The following DKK1 variants were observed in gnomAD, a reference collection of about 807,000 sequenced individuals.
DKK1 encodes the protein dickkopf Wnt signaling pathway inhibitor 1.
Under a neutral mutation model 26.0 loss-of-function variants are expected in DKK1, and 18 were observed. That is an observed-to-expected ratio of 0.69 (90% CI 0.48 to 1.03). The LOEUF (loss-of-function observed/expected upper bound fraction) is 1.03, where lower values mean the gene tolerates loss of function less well. DKK1 is among the 50% of genes least tolerant of loss of function. The pLI, the probability that DKK1 is intolerant of heterozygous loss-of-function variation, is 0.00. For missense variants in DKK1, 335 were observed against 348.5 expected (o/e 0.96, Z 0.31); for synonymous variants, 130 against 132.6 (o/e 0.98, Z 0.13).
intron 2 of DKK1, among the ~76,000 whole-genome samples, chr10:52,315,855 C>T (rs1220448368): frequency 6.6e-6 from 1 of 152,134 alleles, no homozygotes. Context: ...AGTAACTGGC[C>T]GGTGAGATTG....
intron 2 of DKK1, 177 bp downstream of exon 2, chr10:52,315,262 C>T: frequency 1.8e-6 from 1 of 541,384 alleles, no homozygotes; most frequent in Non-Finnish European, 2.9e-6. Flanking sequence ...ATCTTCATTG[C>T]AAGTGTTTAA....
chr10:52,314,373 G>T lies in DKK1; in HGVS notation c.-62G>T. The T allele has an allele frequency of 6.3e-7, 1 of 1,599,334 alleles. No individual in the cohort carries two copies. ...AGCCGAACCGGCACGGTTTCGTGGG[G>T]ACCCAGGCTTGCAAAGTGACGGTCA... On this transcript the variant is annotated 5_prime_UTR_variant, in exon 1 of 4. Coordinates refer to ENST00000373970, the MANE Select transcript of DKK1 (RefSeq NM_012242.4). The surrounding 1 kb of genome is among the most constrained non-coding windows in gnomAD (Gnocchi z 5.7).
chr10:52,314,375 C>A lies in DKK1; in HGVS notation c.-60C>A, dbSNP rs1842594057. On this transcript the variant is annotated 5_prime_UTR_variant, in exon 1 of 4. Transcript: ENST00000373970. This position sits in a 1 kb window ranked among gnomAD's most constrained non-coding sequence, Gnocchi z 5.7. ...CCGAACCGGCACGGTTTCGTGGGGA[C>A]CCAGGCTTGCAAAGTGACGGTCATT... is the stretch of plus-strand genomic sequence containing the variant. The A allele has an allele frequency of 6.2e-7, 1 of 1,600,430 alleles. No homozygotes were observed. Among genetic ancestry groups the A allele is most frequent in the South Asian group, 1.1e-5 (1 of 89,188 alleles).
rs1415670976 is a variant in DKK1, at chr10:52,314,547, A to C, written c.113A>C (p.Asn38Thr). 9.3e-6 allele frequency: 15 copies of C among 1,613,580 alleles called. No homozygotes were observed. The highest frequency in any genetic ancestry group is 1.3e-5 in the African/African-American group (1 of 74,882). The change falls in exon 1 of 4, where the codon AAT (asparagine) becomes ACT (threonine). Residue 38 changes from asparagine (N) to threonine (T), a missense_variant. Asn to Thr is a moderately conservative substitution (Grantham distance 65). Coordinates refer to ENST00000373970, the MANE Select transcript of DKK1 (RefSeq NM_012242.4). The surrounding 1 kb of genome is among the most constrained non-coding windows in gnomAD (Gnocchi z 5.7). ...AGCGCCACCTTGAACTCGGTTCTCAATTCCAACGCTATCAAGAACCTGCCC... is the reference window on the plus strand; with the variant it reads ...AGCGCCACCTTGAACTCGGTTCTCACTTCCAACGCTATCAAGAACCTGCCC... ...GVSATLNSVL[N>T]SNAIKNLPPP...
intron 2 of DKK1, 61 bp from the exon 3 acceptor site, chr10:52,316,234 A>G (rs1022455209): frequency 4.2e-5 from 66 of 1,583,866 alleles, no homozygotes; most frequent in Non-Finnish European, 4.5e-5. Context: ...TGCCACTGTC[A>G]CAGCTGTTAG....
Position 52,314,838 on chromosome 10 carries a change from A to G in DKK1, c.244-85A>G, listed in dbSNP as rs1842599894. On this transcript the variant is annotated intron_variant, in intron 1 of 3. Transcript: ENST00000373970. The surrounding 1 kb of genome is among the most constrained non-coding windows in gnomAD (Gnocchi z 5.7). Reference sequence around the variant, plus strand: ...ACAGGTTTTGGAGAGGTGGACAGATAAGGACTGTGATCAGCGCCCGGGTCC... The same window carrying G: ...ACAGGTTTTGGAGAGGTGGACAGATGAGGACTGTGATCAGCGCCCGGGTCC... 3.4e-6 allele frequency: 5 copies of G among 1,463,914 alleles called. No homozygotes were observed. The highest frequency in any genetic ancestry group is 1.9e-4 in the Middle Eastern group (1 of 5,366). The allele number at this position is 1,463,914 out of a possible 1,614,324, so 90.7% of individuals were successfully genotyped here.
chr10:52,314,707 T>G lies in DKK1; in HGVS notation c.243+30T>G, dbSNP rs369860068. The G allele has an allele frequency of 1.2e-6, 2 of 1,607,598 alleles. No individual in the cohort carries two copies. The highest frequency in any genetic ancestry group is 2.7e-5 in the African/African-American group (2 of 74,762). ...GAGGGGTCGGGCACTCAGAGGATGC[T>G]CTGACCTTGAAAGGGTCCTATCTGG... On this transcript the variant is annotated intron_variant, in intron 1 of 3. Transcript: ENST00000373970. This position sits in a 1 kb window ranked among gnomAD's most constrained non-coding sequence, Gnocchi z 5.7.
Position 52,314,892 on chromosome 10 carries a change from G to C in DKK1, c.244-31G>C. ...AGGGCGGGTACCTGGACGTCTGGGT[G>C]CCTCACCCTCTCCCCGAACCCTTCC... is the stretch of plus-strand genomic sequence containing the variant. On this transcript the variant is annotated intron_variant, in intron 1 of 3. Transcript: ENST00000373970. This position sits in a 1 kb window ranked among gnomAD's most constrained non-coding sequence, Gnocchi z 5.7. 1 of 1,474,276 alleles carries C rather than the reference G, an allele frequency of 6.8e-7. No homozygotes were observed. The highest frequency in any genetic ancestry group is 9.0e-7 in the Non-Finnish European group (1 of 1,108,490). The allele number at this position is 1,474,276 out of a possible 1,614,324, so 91.3% of individuals were successfully genotyped here.
rs1381150018 is a variant in DKK1 at position 52,316,772 on chromosome 10, A to G, written c.766A>G (p.Asn256Asp). 1 of 1,614,058 alleles carries G rather than the reference A, an allele frequency of 6.2e-7. No homozygotes were observed. Among genetic ancestry groups the G allele is most frequent in the Non-Finnish European group, 8.5e-7 (1 of 1,180,006 alleles). ...RIQKDHHQASNSSRLHTCQRH is the reference protein window; with the variant it reads ...RIQKDHHQASDSSRLHTCQRH ...ACAGAAAGATCACCATCAAGCCAGT[A>G]ATTCTTCTAGGCTTCACACTTGTCA... Residue 256 changes from asparagine to aspartate, a missense_variant, in exon 4 of 4, where the codon AAT becomes GAT. By Grantham distance (23) the Asn-to-Asp change is conservative. Transcript: ENST00000373970.
At position 52,314,794 on chromosome 10, in the gene DKK1, T is replaced by C; in HGVS notation, c.243+117T>C. 4.0e-6 allele frequency: 6 copies of C among 1,508,574 alleles called. No homozygotes were observed. Among genetic ancestry groups the C allele is most frequent in the Non-Finnish European group, 5.3e-6 (6 of 1,125,540 alleles). The allele number at this position is 1,508,574 out of a possible 1,614,324, so 93.4% of individuals were successfully genotyped here. A position where few individuals can be genotyped will look rare whatever the true frequency, so the allele number is the denominator to read the frequency against. The stretch of plus-strand genomic sequence containing the variant: ...CAGGGAGCATTTGGTAACCCTGCAT[T>C]TGGGAGCAGTGGGCAGTAACAGGTT... On this transcript the variant is annotated intron_variant, in intron 1 of 3. Coordinates refer to ENST00000373970, the MANE Select transcript of DKK1 (RefSeq NM_012242.4). This position sits in a 1 kb window ranked among gnomAD's most constrained non-coding sequence, Gnocchi z 5.7.
chr10:52,315,606 T>G (rs959020812), intron 2 of DKK1, among the ~76,000 whole-genome samples: 1 of 152,218 alleles, frequency 6.6e-6, no homozygotes, highest in African/African-American at 2.4e-5. Context: ...AAGAGAGATC[T>G]TGGTACCCTC....
Position 52,314,427 on chromosome 10 carries a change from C to T in DKK1, c.-8C>T, listed in dbSNP as rs1380602534. ...TCTCTTTCTTTCTCCCTCTTGAGTCCTTCTGAGATGATGGCTCTGGGCGCA... is the reference window on the plus strand; with the variant it reads ...TCTCTTTCTTTCTCCCTCTTGAGTCTTTCTGAGATGATGGCTCTGGGCGCA... On this transcript the variant is annotated 5_prime_UTR_variant, in exon 1 of 4. Coordinates refer to ENST00000373970, the MANE Select transcript of DKK1 (RefSeq NM_012242.4). This position sits in a 1 kb window ranked among gnomAD's most constrained non-coding sequence, Gnocchi z 5.7. The T allele has an allele frequency of 6.2e-7, 1 of 1,613,716 alleles. No individual in the cohort carries two copies. The highest frequency in any genetic ancestry group is 8.5e-7 in the Non-Finnish European group (1 of 1,179,912).
At position 52,314,686 on chromosome 10, in the gene DKK1, G is replaced by A. The variant is rs1173272726; in HGVS notation, c.243+9G>A. ...CCATTGACAACTACCAGGTGAGAGG[G>A]GTCGGGCACTCAGAGGATGCTCTGA... On this transcript the variant is annotated intron_variant, in intron 1 of 3. Transcript: ENST00000373970. The surrounding 1 kb of genome is among the most constrained non-coding windows in gnomAD (Gnocchi z 5.7). 6 of 1,611,126 alleles carry A rather than the reference G, an allele frequency of 3.7e-6. No homozygotes were observed. The highest frequency in any genetic ancestry group is 3.3e-5 in the Admixed American group (2 of 59,912).
chr10:52,314,340 GACTCT>G lies in DKK1; in HGVS notation c.-94_-90del. On this transcript the variant is annotated 5_prime_UTR_variant, in exon 1 of 4. Transcript: ENST00000373970. This position sits in a 1 kb window ranked among gnomAD's most constrained non-coding sequence, Gnocchi z 5.7. ...GGACCGCAGGGGGCTCCCGGACCCT[GACTCT>G]GCAGCCGAACCGGCACGGTTTCGTG... The G allele has an allele frequency of 6.4e-7, 1 of 1,560,482 alleles. No homozygotes were observed. The highest frequency in any genetic ancestry group is 8.7e-7 in the Non-Finnish European group (1 of 1,152,852).
rs1194439152 is a variant in DKK1, at chr10:52,316,922, A to G, written c.*115A>G. On this transcript the variant is annotated 3_prime_UTR_variant, in exon 4 of 4. Transcript: ENST00000373970. ...ACAAGTTCTGTGGTTTCAGTTAAGC[A>G]TTCCAATAACACCTTCCAAAAACCT... 7.9e-7 allele frequency: 1 copy of G among 1,260,000 alleles called. No individual in the cohort carries two copies. The highest frequency in any genetic ancestry group is 1.1e-6 in the Non-Finnish European group (1 of 914,948). The allele number at this position is 1,260,000 out of a possible 1,614,324, so 78.1% of individuals were successfully genotyped here. A position where few individuals can be genotyped will look rare whatever the true frequency, so the allele number is the denominator to read the frequency against.
In DKK1 at chr10:52,314,943, C is replaced by G. The variant is rs1457993160; in HGVS notation, c.264C>G (p.Asp88Glu). 80 of 1,557,162 alleles carry G rather than the reference C, an allele frequency of 5.1e-5. No homozygotes were observed. The highest frequency in any genetic ancestry group is 6.8e-5 in the Non-Finnish European group (78 of 1,144,722). ...DNYQPYPCAE[D>E]EECGTDEYCA... ...CACAGCCGTACCCGTGCGCAGAGGACGAGGAGTGCGGCACTGATGAGTACT... is the reference window on the plus strand; with the variant it reads ...CACAGCCGTACCCGTGCGCAGAGGAGGAGGAGTGCGGCACTGATGAGTACT... The change falls in exon 2 of 4, where the codon GAC becomes GAG. Residue 88 changes from aspartate to glutamate, a missense_variant. By Grantham distance (45) the Asp-to-Glu change is conservative. Coordinates refer to ENST00000373970, the MANE Select transcript of DKK1 (RefSeq NM_012242.4). This position sits in a 1 kb window ranked among gnomAD's most constrained non-coding sequence, Gnocchi z 5.7.
chr10:52,316,561 A>G lies in DKK1; in HGVS notation c.555A>G (p.Glu185=). The G allele has an allele frequency of 6.2e-7, 1 of 1,614,006 alleles. No individual in the cohort carries two copies. ...CTGTCTTCTCCTTCGTAGGACAAGA[A>G]GGTTCTGTTTGTCTCCGGTCATCAG... ...SSKMYHTKGQ[E]GSVCLRSSDC... is the part of the protein sequence containing the mutation. Residue 185 remains glutamate (E), a synonymous_variant, in exon 4 of 4, where the codon GAA becomes GAG. Coordinates refer to ENST00000373970, the MANE Select transcript of DKK1 (RefSeq NM_012242.4).
Position 52,314,405 on chromosome 10 carries a change from CT to C in DKK1, c.-27del. On this transcript the variant is annotated 5_prime_UTR_variant, in exon 1 of 4. Transcript: ENST00000373970. This position sits in a 1 kb window ranked among gnomAD's most constrained non-coding sequence, Gnocchi z 5.7. ...GCTTGCAAAGTGACGGTCATTTTCT[CT>C]TTCTTTCTCCCTCTTGAGTCCTTCT... is the stretch of plus-strand genomic sequence containing the variant. 1 of 1,610,612 alleles carries C rather than the reference CT, an allele frequency of 6.2e-7. No homozygotes were observed. Among genetic ancestry groups the C allele is most frequent in the Non-Finnish European group, 8.5e-7 (1 of 1,177,826 alleles).
Position 52,314,988 on chromosome 10 carries a change from A to G in DKK1, c.309A>G (p.Gly103=). ...TDEYCASPTR[G]GDAGVQICLA... ...AGTACTGCGCTAGTCCCACCCGCGG[A>G]GGGGACGCAGGCGTGCAAATCTGTC... is the stretch of plus-strand genomic sequence containing the variant. Residue 103 remains glycine, a synonymous_variant, in exon 2 of 4, where the codon GGA becomes GGG. Coordinates refer to ENST00000373970, the MANE Select transcript of DKK1 (RefSeq NM_012242.4). This position sits in a 1 kb window ranked among gnomAD's most constrained non-coding sequence, Gnocchi z 5.7. 6.2e-7 allele frequency: 1 copy of G among 1,603,266 alleles called. No homozygotes were observed. The highest frequency in any genetic ancestry group is 8.5e-7 in the Non-Finnish European group (1 of 1,172,514).
Sources: allele counts gnomAD v4.1 joint callset (sites outside exome capture counted in the v4.1 genomes callset), GRCh38; gene constraint gnomAD v4.1.1; non-coding constraint Gnocchi (gnomAD v3.1); transcripts MANE v1.5; gene names NCBI Gene and HGNC (gene_info 2026-07-23, HGNC 2026-07-21).